The following ETV5 variants were observed in gnomAD, a reference collection of about 807,000 sequenced individuals.
ETV5 encodes ETS translocation variant 5.
ETV5 carries 10 observed loss-of-function variants against 70.0 expected under a neutral mutation model. That is an observed-to-expected ratio of 0.14 (90% CI 0.09 to 0.24). The LOEUF is 0.24. Among genes scored for constraint, ETV5 ranks in the 10% least tolerant of loss-of-function variants. ETV5 has a pLI of 1.00. For synonymous variants in ETV5, 216 were observed against 242.2 expected, an observed-to-expected ratio of 0.89 and a Z score of 1.01; for missense variants, 453 against 651.2, an observed-to-expected ratio of 0.70 and a Z score of 3.31.
chr3:186,087,905 T>C (rs1273416416), intron 5 of ETV5, among the ~76,000 whole-genome samples: 1 of 152,118 alleles, frequency 6.6e-6, no homozygotes, highest in Non-Finnish European at 1.5e-5. Flanking sequence ...TGTTTCATAA[T>C]CATCAAAGTT....
In ETV5 at chr3:186,047,475, C is replaced by T. The variant is rs1432251713; in HGVS notation, c.*1164G>A. ...AATCCCAAGGGTTTTCACCAGGTGA[C>T]CAGGTTTCCAAAGGACATGACACAT... On this transcript the variant is annotated 3_prime_UTR_variant, in exon 13 of 13. Coordinates refer to ENST00000306376, the MANE Select transcript of ETV5 (RefSeq NM_004454.3). 4.3e-6 allele frequency: 1 copy of T among 232,072 alleles called. No homozygotes were observed. The highest frequency in any genetic ancestry group is 5.6e-5 in the Admixed American group (1 of 17,740). 14.4% of individuals were successfully genotyped at this position (232,072 alleles called of 1,614,324 possible).
chr3:186,097,383 G>A (rs1304312019), intron 5 of ETV5, among the ~76,000 whole-genome samples: 6 of 152,082 alleles, frequency 3.9e-5, no homozygotes, highest in Non-Finnish European at 8.8e-5. Context: ...AAGTGTCTGT[G>A]TCGTGGCAGG....
intron 11 of ETV5, among the ~76,000 whole-genome samples, chr3:186,053,844 T>A (rs901348123): frequency 6.6e-6 from 1 of 152,196 alleles, no homozygotes; most frequent in African/African-American, 2.4e-5. Context: ...CCTAATAATA[T>A]ACATCATTGT....
chr3:186,062,202 T>A (rs1327265144), intron 9 of ETV5, among the ~76,000 whole-genome samples: 1 of 152,244 alleles, frequency 6.6e-6, no homozygotes, highest in Non-Finnish European at 1.5e-5. Context: ...TTGGGTGCTA[T>A]AGAGATGACA....
At chr3:186,067,240 C>T (rs574331118) in intron 7 of ETV5, among the ~76,000 whole-genome samples, 1 of 152,322 alleles carries the variant, frequency 6.6e-6, no homozygotes, top group East Asian at 1.9e-4. Context: ...TGAGACCATC[C>T]TGGCCAACAT....
At chr3:186,051,502 C>G (rs1045805213) in intron 12 of ETV5, among the ~76,000 whole-genome samples, 10 of 152,210 alleles carry the variant, frequency 6.6e-5, no homozygotes, top group African/African-American at 2.4e-4. Context: ...AACCTGCTAC[C>G]AGGTGACTCT....
chr3:186,090,812 G>C (rs1714164544), intron 5 of ETV5, among the ~76,000 whole-genome samples: 1 of 152,190 alleles, frequency 6.6e-6, no homozygotes, highest in Non-Finnish European at 1.5e-5. Flanking sequence ...GCAGGGCTGG[G>C]ATCAGGACGA....
intron 7 of ETV5, among the ~76,000 whole-genome samples, chr3:186,067,304 C>T (rs998748707): frequency 5.3e-5 from 8 of 152,138 alleles, no homozygotes; most frequent in Admixed American, 1.3e-4. Flanking sequence ...TGGTTGTGCG[C>T]GCCTGTAGTC....
At chr3:186,064,700 G>T in intron 8 of ETV5, 5 of 524,112 alleles carry the variant, frequency 9.5e-6, no homozygotes, top group Non-Finnish European at 1.7e-5. Flanking sequence ...AGTCACGGGA[G>T]GAAAAAAAAG....
At chr3:186,078,124 C>T (rs1035414432) in intron 7 of ETV5, 16 of 1,051,636 alleles carry the variant, frequency 1.5e-5, no homozygotes, top group African/African-American at 1.3e-4. Flanking sequence ...ACAGCTGAGA[C>T]TGGGGCTACC....
At chr3:186,051,839 G>A (rs1170516049) in intron 12 of ETV5, among the ~76,000 whole-genome samples, 191 bp downstream of exon 12, 2 of 152,140 alleles carry the variant, frequency 1.3e-5, no homozygotes, top group African/African-American at 4.8e-5. Flanking sequence ...ATAACCAACA[G>A]CATCAAATGT....
Position 186,046,418 on chromosome 3 carries a change from A to T in ETV5, c.*2221T>A, listed in dbSNP as rs924855345. On this transcript the variant is annotated 3_prime_UTR_variant, in exon 13 of 13. Coordinates refer to ENST00000306376, the MANE Select transcript of ETV5 (RefSeq NM_004454.3). ...TGCGCAGGGGAAAGTATTTCAAATCAGCTGGCAGGTTCAAGCCTTTCTGCA... is the reference window on the plus strand; with the variant it reads ...TGCGCAGGGGAAAGTATTTCAAATCTGCTGGCAGGTTCAAGCCTTTCTGCA... 1.3e-5 allele frequency: 3 copies of T among 230,058 alleles called. No homozygotes were observed. Among genetic ancestry groups the T allele is most frequent in the Admixed American group, 1.1e-4 (2 of 17,664 alleles). The allele number at this position is 230,058 out of a possible 1,614,324, so 14.3% of individuals were successfully genotyped here.
At chr3:186,107,093 T>C in intron 1 of ETV5, 1 of 230,354 alleles carries the variant, frequency 4.3e-6, no homozygotes, top group Non-Finnish European at 7.2e-6. Context: ...TTTTCATAAG[T>C]GGGCAGGATA....
rs375968196 is a variant in ETV5 at position 186,048,107 on chromosome 3, G to C, written c.*532C>G. On this transcript the variant is annotated 3_prime_UTR_variant, in exon 13 of 13. Coordinates refer to ENST00000306376, the MANE Select transcript of ETV5 (RefSeq NM_004454.3). Reference sequence around the variant, plus strand: ...TGACTGCCCCCCTTTTTCTAGACAAGGGGTAATATTTCAGATTCAGCTAGA... The same window carrying C: ...TGACTGCCCCCCTTTTTCTAGACAACGGGTAATATTTCAGATTCAGCTAGA... The C allele has an allele frequency of 8.5e-4, 199 of 234,346 alleles. No individual in the cohort carries two copies. Among genetic ancestry groups the C allele is most frequent in the Middle Eastern group, 2.5e-3 (2 of 786 alleles). 14.5% of individuals were successfully genotyped at this position (234,346 alleles called of 1,614,324 possible).
chr3:186,079,282 TA>T (rs1713873051), intron 7 of ETV5: 1 of 233,382 alleles, frequency 4.3e-6, no homozygotes, highest in Non-Finnish European at 8.3e-6. Context: ...TGTAGAAATG[TA>T]AAAACCACCT....
Position 186,105,139 on chromosome 3 carries a change from T to C in ETV5, c.232+166A>G. The C allele has an allele frequency of 1.8e-6, 1 of 548,290 alleles. No individual in the cohort carries two copies. Among genetic ancestry groups the C allele is most frequent in the Non-Finnish European group, 3.2e-6 (1 of 313,538 alleles). The allele number at this position is 548,290 out of a possible 1,614,324, so 34.0% of individuals were successfully genotyped here. ...AGTAGAAATACTTTAGAAATAATTT[T>C]ATTATGAAATAAAAGTTTTCAGGGT... On this transcript the variant is annotated intron_variant, in intron 5 of 12. Transcript: ENST00000306376. The surrounding 1 kb of genome is among the most constrained non-coding windows in gnomAD (Gnocchi z 4.5).
At chr3:186,103,452 A>G (rs1714511658) in intron 5 of ETV5, among the ~76,000 whole-genome samples, 1 of 152,202 alleles carries the variant, frequency 6.6e-6, no homozygotes, top group Admixed American at 6.5e-5. Context: ...TTTGGGTTAC[A>G]GAGAAACAAA....
Position 186,105,555 on chromosome 3 carries a change from G to C in ETV5, c.134-59C>G. The C allele has an allele frequency of 6.2e-7, 1 of 1,611,998 alleles. No homozygotes were observed. Among genetic ancestry groups the C allele is most frequent in the Non-Finnish European group, 8.5e-7 (1 of 1,178,178 alleles). ...TATTTCTTTCGCTAGGGAGAAGACAGGGAAGAATCTACACGCTACTGTCAC... is the reference window on the plus strand; with the variant it reads ...TATTTCTTTCGCTAGGGAGAAGACACGGAAGAATCTACACGCTACTGTCAC... On this transcript the variant is annotated intron_variant, in intron 3 of 12. Transcript: ENST00000306376. The surrounding 1 kb of genome is among the most constrained non-coding windows in gnomAD (Gnocchi z 4.5).
At chr3:186,056,310 G>A (rs1713161097) in intron 11 of ETV5, among the ~76,000 whole-genome samples, 1 of 151,948 alleles carries the variant, frequency 6.6e-6, no homozygotes, top group South Asian at 2.1e-4. Flanking sequence ...ACAGGGTCTC[G>A]CTCTGTCACC....
Sources: gnomAD v4.1 joint callset for allele counts (sites outside exome capture counted in the v4.1 genomes callset) on GRCh38, gnomAD v4.1.1 for gene constraint, Gnocchi (gnomAD v3.1) non-coding constraint, MANE v1.5 for transcripts, NCBI Gene and HGNC (gene_info 2026-07-23, HGNC 2026-07-21) for gene names.